The following ATG7 variants were observed in gnomAD, a reference collection of about 807,000 sequenced individuals.
The protein encoded by ATG7 is ubiquitin-like modifier-activating enzyme ATG7.
A neutral mutation model predicts 82.4 loss-of-function variants in ATG7; 70 were observed. The ratio of observed to expected loss-of-function variants is 0.85; its 90% CI spans 0.70 to 1.04. The LOEUF (loss-of-function observed/expected upper bound fraction) is 1.04. ATG7 is among the 50% of genes least tolerant of loss of function. The probability of loss-of-function intolerance (pLI) is 0.00; values close to 1 mark genes in which losing one functional copy is unlikely to be tolerated. For synonymous variants in ATG7, 287 were observed against 313.0 expected (o/e 0.92, Z 0.88); for missense variants, 792 against 864.3 (o/e 0.92, Z 1.05).
At chr3:11,479,031 C>CACACACACACACAT (rs1278799080) in intron 20 of ATG7, among the ~76,000 whole-genome samples, 1 of 151,242 alleles carries the variant, frequency 6.6e-6, no homozygotes, top group Non-Finnish European at 1.5e-5. Context: ...CACACACACA[C>CACACACACACACAT]ACACACACAA....
intron 4 of ATG7, 128 bp from the exon 5 acceptor site, chr3:11,299,234 T>C: frequency 1.2e-6 from 1 of 847,342 alleles, no homozygotes; most frequent in Middle Eastern, 3.3e-4. Flanking sequence ...CTATGTAGCA[T>C]AGATAATCAG....
Position 11,511,363 on chromosome 3 carries a change from G to C in ATG7, c.2080-43448G>C, listed in dbSNP as rs187555735. Among the ~76,000 whole-genome samples, 572 of 152,222 alleles carry C rather than the reference G, an allele frequency of 3.8e-3. 1 individual carries two copies. Among genetic ancestry groups the C allele is most frequent in the African/African-American group, 4.6e-3 (189 of 41,524 alleles). ...TCATATTAGTTAGATACAGAGTTTC[G>C]ACACACAGGTTCTCCAAGGCCCCAC... On this transcript the variant is annotated intron_variant, in intron 20 of 20. Coordinates refer to ENST00000693202, the MANE Select transcript of ATG7 (RefSeq NM_001349232.2).
intron 20 of ATG7, among the ~76,000 whole-genome samples, chr3:11,447,157 C>T (rs1036902181): frequency 3.3e-5 from 5 of 152,174 alleles, no homozygotes; most frequent in African/African-American, 1.2e-4. Context: ...AGCTTGAACT[C>T]TTTTTAGCAT....
At chr3:11,384,116 T>G (rs566925047) in intron 19 of ATG7, among the ~76,000 whole-genome samples, 1 of 152,318 alleles carries the variant, frequency 6.6e-6, no homozygotes, top group South Asian at 2.1e-4. Flanking sequence ...GCTTCAGGTG[T>G]TCTTTGCAAT....
chr3:11,545,175 T>C (rs1480983253), intron 20 of ATG7, among the ~76,000 whole-genome samples: 1 of 151,528 alleles, frequency 6.6e-6, no homozygotes, highest in African/African-American at 2.4e-5. Context: ...CTTGGAGGGG[T>C]GTGCAGGGCC....
chr3:11,495,412 C>T (rs2090747027), intron 20 of ATG7, among the ~76,000 whole-genome samples: 1 of 151,958 alleles, frequency 6.6e-6, no homozygotes, highest in African/African-American at 2.4e-5. Flanking sequence ...CCATGGACAC[C>T]CTTGCTCTCA....
chr3:11,385,722 T>C (rs2078272355), intron 19 of ATG7, among the ~76,000 whole-genome samples: 1 of 152,202 alleles, frequency 6.6e-6, no homozygotes, highest in Non-Finnish European at 1.5e-5. Flanking sequence ...AAGGGTCAAG[T>C]AGGAGTTTCT....
At chr3:11,433,318 T>C (rs1297982504) in intron 20 of ATG7, among the ~76,000 whole-genome samples, 1 of 134,658 alleles carries the variant, frequency 7.4e-6, no homozygotes, top group Non-Finnish European at 1.6e-5. Flanking sequence ...AAAAAAAAGC[T>C]GCGTTTGTTG....
chr3:11,292,978 G>A (rs924528601), intron 3 of ATG7, among the ~76,000 whole-genome samples: 17 of 152,228 alleles, frequency 1.1e-4, no homozygotes, highest in African/African-American at 3.6e-4. Flanking sequence ...GTGCTTTATT[G>A]CGTTGAGAGA....
In ATG7 at chr3:11,554,828, T is replaced by C. The variant is rs8154; in HGVS notation, c.2097T>C (p.Asp699=). ...TQAAEIWDMS[D]DETI ...CCATGCAGATCTGGGACATGAGCGA[T>C]GATGAGACCATCTGAGATGGCCCCG... is the stretch of plus-strand genomic sequence containing the variant. The change falls in exon 21 of 21, where the codon GAT becomes GAC. Residue 699 remains aspartate, a synonymous_variant. Transcript: ENST00000693202. The C allele has an allele frequency of 0.31, 492,116 of 1,612,184 alleles. 77,410 individuals carry two copies. Among genetic ancestry groups the C allele is most frequent in the Middle Eastern group, 0.38 (2,296 of 6,050 alleles).
chr3:11,370,180 C>A lies in ATG7; in HGVS notation c.1875+5446C>A, dbSNP rs76042545. Among the ~76,000 whole-genome samples, 446 of 151,200 alleles carry A rather than the reference C, an allele frequency of 2.9e-3. 23 individuals carry two copies. Among genetic ancestry groups the A allele is most frequent in the African/African-American group, 0.01 (429 of 41,026 alleles). ...ACTTTTAATTAAAATGGAAACTTAT[C>A]CACTCTCCTAAAAAGGAATTTATAA... On this transcript the variant is annotated intron_variant, in intron 18 of 20. Coordinates refer to ENST00000693202, the MANE Select transcript of ATG7 (RefSeq NM_001349232.2).
At chr3:11,502,149 CAA>C (rs2091377284) in intron 20 of ATG7, among the ~76,000 whole-genome samples, 1 of 151,184 alleles carries the variant, frequency 6.6e-6, no homozygotes, top group African/African-American at 2.4e-5. Flanking sequence ...AAAGTACAAA[CAA>C]GAGCAACAAA....
At position 11,377,038 on chromosome 3, in the gene ATG7, C is replaced by G. The variant is rs377378336; in HGVS notation, c.1876-2934C>G. 1.1e-4 allele frequency among the ~76,000 whole-genome samples: 17 copies of G among 152,220 alleles called. No homozygotes were observed. In the East Asian group the frequency reaches 2.9e-3, roughly 26 times the overall value. On this transcript the variant is annotated intron_variant, in intron 18 of 20. Transcript: ENST00000693202. ...ACAGGCGTGAGCCACCGCGCCCGGC[C>G]TTGTCTGCCGCCTTTTGTCAGCTAT...
chr3:11,401,566 C>A (rs1371667428), intron 19 of ATG7, among the ~76,000 whole-genome samples: 3 of 152,244 alleles, frequency 2.0e-5, no homozygotes, highest in African/African-American at 7.2e-5. Flanking sequence ...CAGTCCACTT[C>A]ATGCTCAGCT....
the ATG7 span, among the ~76,000 whole-genome samples, chr3:11,567,688 C>T: frequency 1.3e-5 from 2 of 152,306 alleles, no homozygotes; most frequent in African/African-American, 4.8e-5. Flanking sequence ...GAAGACCTTC[C>T]GCGGAACGGA....
chr3:11,485,646 G>A (rs1395918657), intron 20 of ATG7, among the ~76,000 whole-genome samples: 2 of 152,172 alleles, frequency 1.3e-5, no homozygotes, highest in Non-Finnish European at 2.9e-5. Flanking sequence ...TAATGCCTAG[G>A]TTTTCTTCTA....
intron 20 of ATG7, among the ~76,000 whole-genome samples, chr3:11,497,419 G>C (rs1024464471): frequency 7.9e-6 from 1 of 126,724 alleles, no homozygotes; most frequent in Non-Finnish European, 1.6e-5. Flanking sequence ...GTGGGTGCCT[G>C]TAATACCAGC....
rs1253985862 is a variant in ATG7, at chr3:11,555,043, T to G, written c.*200T>G. 1.6e-6 allele frequency: 1 copy of G among 622,874 alleles called. No individual in the cohort carries two copies. The highest frequency in any genetic ancestry group is 1.9e-5 in the African/African-American group (1 of 53,288). 38.6% of individuals were successfully genotyped at this position (622,874 alleles called of 1,614,324 possible). On this transcript the variant is annotated 3_prime_UTR_variant, in exon 21 of 21. Transcript: ENST00000693202. ...ATTCAAGATACCACCAGTTCAGAGC[T>G]AAATAATAACCTTGGCCTTGGCCTT...
chr3:11,292,234 AT>A (rs1223420748), intron 3 of ATG7, among the ~76,000 whole-genome samples: 2 of 142,484 alleles, frequency 1.4e-5, no homozygotes, highest in Admixed American at 1.4e-4. Context: ...GTGTGAATTT[AT>A]TTTTTTCTTT....
Sources: allele counts gnomAD v4.1 joint callset (sites outside exome capture counted in the v4.1 genomes callset), GRCh38; gene constraint gnomAD v4.1.1; transcripts MANE v1.5; gene names NCBI Gene and HGNC (gene_info 2026-07-23, HGNC 2026-07-21).